Variants in SAMTOR observed in about 807,000 individuals in gnomAD.
The protein encoded by SAMTOR is UPF0532 protein C7orf60.
chr7:112,890,364 C>CA, the SAMTOR span, among the ~76,000 whole-genome samples: 2 of 151,510 alleles, frequency 1.3e-5, no homozygotes, highest in East Asian at 3.9e-4. Context: ...AAATAACAAC[C>CA]CCCCCCACCT....
the SAMTOR span, among the ~76,000 whole-genome samples, chr7:112,924,884 A>G: frequency 2.2e-4 from 34 of 152,060 alleles, no homozygotes; most frequent in Middle Eastern, 3.4e-3. Context: ...TCATTTGAAA[A>G]TGACCTTCTG....
the SAMTOR span, chr7:112,821,466 T>C: frequency 1.6e-5 from 4 of 246,880 alleles, no homozygotes; most frequent in Non-Finnish European, 3.1e-5. Flanking sequence ...GTTTTCACAA[T>C]AGCACTAAAG....
At chr7:112,894,366 T>C in the SAMTOR span, among the ~76,000 whole-genome samples, 1 of 152,180 alleles carries the variant, frequency 6.6e-6, no homozygotes, top group Non-Finnish European at 1.5e-5. Context: ...CAAAGATCAC[T>C]GATCACAGAT....
At chr7:112,833,593 T>C in the SAMTOR span, among the ~76,000 whole-genome samples, 2 of 152,162 alleles carry the variant, frequency 1.3e-5, no homozygotes, top group East Asian at 3.8e-4. Context: ...CTAAATTCTG[T>C]AGTATAGATT....
chr7:112,896,088 T>C, the SAMTOR span, among the ~76,000 whole-genome samples: 1,643 of 152,290 alleles, frequency 0.011, 30 homozygotes, highest in African/African-American at 0.037. Flanking sequence ...GAATAGTAGT[T>C]GCAGTTAATT....
the SAMTOR span, among the ~76,000 whole-genome samples, chr7:112,902,722 G>T: frequency 2.0e-5 from 3 of 152,130 alleles, no homozygotes; most frequent in Non-Finnish European, 4.4e-5. Flanking sequence ...GGCTATGCAT[G>T]TTTGGGATGG....
At chr7:112,866,384 T>G in the SAMTOR span, among the ~76,000 whole-genome samples, 1 of 152,202 alleles carries the variant, frequency 6.6e-6, no homozygotes, top group Non-Finnish European at 1.5e-5. Context: ...AGAATAAGCT[T>G]ACAATGGAAT....
chr7:112,867,315 T>C, the SAMTOR span, among the ~76,000 whole-genome samples: 10 of 152,362 alleles, frequency 6.6e-5, no homozygotes, highest in Middle Eastern at 0.02. Context: ...AATTCAATCG[T>C]GTACTCAATT....
the SAMTOR span, among the ~76,000 whole-genome samples, chr7:112,929,502 AG>A: frequency 6.6e-6 from 1 of 152,044 alleles, no homozygotes; most frequent in South Asian, 2.1e-4. Context: ...TATGTAAATT[AG>A]TACAGCCAAA....
the SAMTOR span, chr7:112,820,649 TA>T: frequency 6.6e-6 from 1 of 152,084 alleles, no homozygotes; most frequent in East Asian, 1.9e-4. Flanking sequence ...AGGCATTTAT[TA>T]ATGTGGAAAG....
At chr7:112,862,516 C>A in the SAMTOR span, among the ~76,000 whole-genome samples, 1 of 152,068 alleles carries the variant, frequency 6.6e-6, no homozygotes, top group African/African-American at 2.4e-5. Context: ...GGCCTTGAGA[C>A]GTAGAAAATA....
At chr7:112,895,717 T>C in the SAMTOR span, 1 of 1,562,048 alleles carries the variant, frequency 6.4e-7, no homozygotes, top group East Asian at 2.3e-5. Context: ...TTCCCACCAT[T>C]TTGGAAATAT....
the SAMTOR span, among the ~76,000 whole-genome samples, chr7:112,911,800 T>C: frequency 4.6e-5 from 7 of 151,958 alleles, no homozygotes; most frequent in African/African-American, 1.7e-4. Flanking sequence ...TGGTTAATGA[T>C]AGATAAAAAA....
chr7:112,837,181 T>C, the SAMTOR span, among the ~76,000 whole-genome samples: 3 of 152,220 alleles, frequency 2.0e-5, no homozygotes, highest in Non-Finnish European at 4.4e-5. Flanking sequence ...TCTAGGTATT[T>C]TATTCTTTTT....
the SAMTOR span, among the ~76,000 whole-genome samples, chr7:112,865,770 T>C: frequency 2.9e-5 from 4 of 137,764 alleles, no homozygotes; most frequent in African/African-American, 1.1e-4. Context: ...CATATATATA[T>C]TTCATATATA....
chr7:112,831,095 GA>G, the SAMTOR span, among the ~76,000 whole-genome samples: 5 of 151,220 alleles, frequency 3.3e-5, no homozygotes, highest in African/African-American at 1.2e-4. Context: ...GCAATAGAGG[GA>G]AAAAAATCCC....
the SAMTOR span, among the ~76,000 whole-genome samples, chr7:112,902,973 C>A: frequency 6.6e-6 from 1 of 152,142 alleles, no homozygotes; most frequent in South Asian, 2.1e-4. Flanking sequence ...AAATAAACTA[C>A]ACATATCCAA....
the SAMTOR span, among the ~76,000 whole-genome samples, chr7:112,921,725 T>A: frequency 8.5e-6 from 1 of 117,790 alleles, no homozygotes; most frequent in Admixed American, 9.1e-5. Flanking sequence ...ATCCAGAATC[T>A]ACAATGAACT....
At chr7:112,918,802 T>C in the SAMTOR span, among the ~76,000 whole-genome samples, 1 of 152,154 alleles carries the variant, frequency 6.6e-6, no homozygotes, top group Non-Finnish European at 1.5e-5. Flanking sequence ...GCAATCCTAG[T>C]CTCTGATAAA....
Sources: allele counts gnomAD v4.1 joint callset (sites outside exome capture counted in the v4.1 genomes callset), GRCh38; gene constraint gnomAD v4.1.1; transcripts MANE v1.5; gene names NCBI Gene and HGNC (gene_info 2026-07-23, HGNC 2026-07-21).